The following DCC variants were observed in gnomAD, a reference collection of about 807,000 sequenced individuals.
DCC encodes netrin receptor DCC.
A neutral mutation model predicts 172.5 loss-of-function variants in DCC; 58 were observed. The ratio of observed to expected loss-of-function variants is 0.34; its 90% CI spans 0.27 to 0.42. DCC has a LOEUF of 0.42. Among genes scored for constraint, DCC ranks in the 10% least tolerant of loss-of-function variants. The probability of loss-of-function intolerance (pLI) is 1.00; values close to 1 mark genes in which losing one functional copy is unlikely to be tolerated. For missense variants in DCC, 1,740 were observed against 1,791.0 expected (o/e 0.97, Z 0.51); for synonymous variants, 709 against 644.5 (o/e 1.10, Z -1.52).
chr18:52,831,088 T>C (rs542713737), intron 2 of DCC, among the ~76,000 whole-genome samples: 10 of 152,200 alleles, frequency 6.6e-5, no homozygotes, highest in African/African-American at 2.4e-4. Flanking sequence ...GGTCAGAAAG[T>C]TATCCACGGA....
At chr18:53,106,954 T>C (rs1380427867) in intron 7 of DCC, among the ~76,000 whole-genome samples, 2 of 151,954 alleles carry the variant, frequency 1.3e-5, no homozygotes, top group East Asian at 3.9e-4. Context: ...AAGCGAAACT[T>C]ATTCTTAAAA....
At chr18:52,742,087 C>T (rs2036830467) in intron 1 of DCC, among the ~76,000 whole-genome samples, 1 of 152,200 alleles carries the variant, frequency 6.6e-6, no homozygotes, top group Non-Finnish European at 1.5e-5. Context: ...TGGGCACTTA[C>T]TGGCCAAGAA....
intron 1 of DCC, among the ~76,000 whole-genome samples, chr18:52,741,790 G>A (rs2036825952): frequency 6.6e-6 from 1 of 151,990 alleles, no homozygotes; most frequent in African/African-American, 2.4e-5. Flanking sequence ...ACACCTGCCT[G>A]GGTGCCTTAG....
chr18:53,025,494 G>A (rs955365533), intron 5 of DCC, among the ~76,000 whole-genome samples: 3 of 152,018 alleles, frequency 2.0e-5, no homozygotes, highest in Admixed American at 1.3e-4. Context: ...GACTTGAGGC[G>A]CAGCCCACTA....
chr18:53,004,060 TG>T (rs1261796477), intron 5 of DCC, among the ~76,000 whole-genome samples: 2 of 152,164 alleles, frequency 1.3e-5, no homozygotes, highest in Non-Finnish European at 2.9e-5. Context: ...ATTAACGAAA[TG>T]GGACAAATCA....
chr18:52,932,868 CTT>C (rs1357497974), intron 5 of DCC, among the ~76,000 whole-genome samples: 1 of 151,470 alleles, frequency 6.6e-6, no homozygotes, highest in Non-Finnish European at 1.5e-5. Flanking sequence ...TCCCTTTAAA[CTT>C]ATTATTTTCT....
chr18:52,854,722 T>G (rs951256914), intron 2 of DCC, among the ~76,000 whole-genome samples: 4 of 152,174 alleles, frequency 2.6e-5, no homozygotes, highest in Non-Finnish European at 4.4e-5. Flanking sequence ...CAGAAGTTGT[T>G]TATTAGTTAT....
intron 12 of DCC, among the ~76,000 whole-genome samples, chr18:53,235,120 G>A (rs575223241): frequency 6.6e-5 from 10 of 152,252 alleles, no homozygotes; most frequent in Admixed American, 6.5e-4. Flanking sequence ...ATGACACAGG[G>A]TTCATTGTGT....
intron 15 of DCC, among the ~76,000 whole-genome samples, chr18:53,355,339 C>A (rs1388213335): frequency 2.6e-5 from 4 of 152,180 alleles, no homozygotes; most frequent in African/African-American, 9.6e-5. Flanking sequence ...ATGGAGATGG[C>A]ATTGAATCTA....
chr18:52,936,906 A>G (rs1333249538), intron 5 of DCC, among the ~76,000 whole-genome samples: 1 of 152,208 alleles, frequency 6.6e-6, no homozygotes, highest in African/African-American at 2.4e-5. Context: ...ATTTCTTCAT[A>G]CACTTTTAAA....
chr18:52,814,533 T>A (rs949850364), intron 2 of DCC, among the ~76,000 whole-genome samples: 1 of 152,156 alleles, frequency 6.6e-6, no homozygotes, highest in African/African-American at 2.4e-5. Flanking sequence ...AATAGCACCA[T>A]GAAAAATGTA....
At chr18:52,613,863 C>A (rs188044838) in intron 1 of DCC, among the ~76,000 whole-genome samples, 38 of 152,124 alleles carry the variant, frequency 2.5e-4, no homozygotes, top group African/African-American at 6.3e-4. Context: ...TTATATCCAA[C>A]ACTGGGAAGG....
In DCC at chr18:52,634,514, A is replaced by G. The variant is rs543907569; in HGVS notation, c.92-117540A>G. ...TGATCTATTGTCATTTAAATTGTGG[A>G]AAAATATTAGCATGTATACGAGAAA... is the stretch of plus-strand genomic sequence containing the variant. On this transcript the variant is annotated intron_variant, in intron 1 of 28. Coordinates refer to ENST00000442544, the MANE Select transcript of DCC (RefSeq NM_005215.4). Among the ~76,000 whole-genome samples the G allele has an allele frequency of 1.4e-4, 21 of 152,306 alleles. No individual in the cohort carries two copies. In the East Asian group the frequency reaches 3.7e-3, roughly 27 times the overall value.
intron 15 of DCC, among the ~76,000 whole-genome samples, chr18:53,382,287 T>C (rs1907822356): frequency 1.3e-5 from 2 of 152,074 alleles, no homozygotes; most frequent in African/African-American, 4.8e-5. Context: ...GCATAGATGA[T>C]TCATATATTT....
chr18:53,082,827 C>A (rs2042825412), intron 7 of DCC, among the ~76,000 whole-genome samples: 1 of 151,792 alleles, frequency 6.6e-6, no homozygotes, highest in Non-Finnish European at 1.5e-5. Flanking sequence ...TTATATTTAT[C>A]TTCTATGTTC....
chr18:52,590,249 C>T (rs1376753483), intron 1 of DCC, among the ~76,000 whole-genome samples: 1 of 151,540 alleles, frequency 6.6e-6, no homozygotes, highest in Non-Finnish European at 1.5e-5. Flanking sequence ...TGTATGTTAA[C>T]ATTATCATAC....
chr18:52,618,215 A>T, intron 1 of DCC, among the ~76,000 whole-genome samples: 1 of 152,280 alleles, frequency 6.6e-6, no homozygotes, highest in East Asian at 1.9e-4. Flanking sequence ...GGAAAAAAAA[A>T]CTTATTCATA....
intron 5 of DCC, among the ~76,000 whole-genome samples, chr18:52,955,664 A>G (rs1175749775): frequency 1.3e-5 from 2 of 152,254 alleles, no homozygotes; most frequent in Middle Eastern, 3.4e-3. Context: ...CATTCCCACC[A>G]ATAATGAATA....
intron 1 of DCC, among the ~76,000 whole-genome samples, chr18:52,365,658 T>G (rs1397423351): frequency 6.6e-6 from 1 of 152,204 alleles, no homozygotes. Context: ...CCTTCTCCAC[T>G]GTAGTCAGAT....
Sources: gnomAD v4.1 joint callset for allele counts (sites outside exome capture counted in the v4.1 genomes callset) on GRCh38, gnomAD v4.1.1 for gene constraint, MANE v1.5 for transcripts, NCBI Gene and HGNC (gene_info 2026-07-23, HGNC 2026-07-21) for gene names.